The following CAMTA1 variants were observed in gnomAD, a reference collection of about 807,000 sequenced individuals.
CAMTA1 encodes the protein calmodulin-binding transcription activator 1.
A neutral mutation model predicts 170.9 loss-of-function variants in CAMTA1; 27 were observed. The ratio of observed to expected loss-of-function variants is 0.16; its 90% confidence interval spans 0.12 to 0.22. CAMTA1 has a LOEUF of 0.22. CAMTA1 is among the 10% of genes least tolerant of loss of function. The pLI is 1.00. For missense variants in CAMTA1, 1,619 were observed against 2,217.2 expected (o/e 0.73, Z 5.42); for synonymous variants, 833 against 891.5 (o/e 0.93, Z 1.17).
chr1:7,673,902 G>A lies in CAMTA1; in HGVS notation c.2779+2865G>A, dbSNP rs149411843. ...AAACAATAAGACCCAGCTTCTCACC[G>A]GGCCCCTGATCGTAAGGGGCTCTCG... On this transcript the variant is annotated intron_variant, in intron 10 of 22. Transcript: ENST00000303635. This position sits in a 1 kb window ranked among gnomAD's most constrained non-coding sequence, Gnocchi z 4.6. Among the ~76,000 whole-genome samples the A allele has an allele frequency of 3.8e-3, 584 of 152,230 alleles. 3 individuals carry two copies. The highest frequency in any genetic ancestry group is 0.013 in the African/African-American group (556 of 41,514).
intron 4 of CAMTA1, among the ~76,000 whole-genome samples, chr1:7,125,025 G>A (rs9434847): frequency 0.22 from 33,394 of 151,954 alleles, 3,912 homozygotes; most frequent in Non-Finnish European, 0.26. Context: ...AGGGAGCTCC[G>A]AGCCTGGTTT....
At chr1:7,178,340 A>T (rs776444318) in intron 4 of CAMTA1, among the ~76,000 whole-genome samples, 1 of 152,078 alleles carries the variant, frequency 6.6e-6, no homozygotes, top group Non-Finnish European at 1.5e-5. Flanking sequence ...CTCTGCCCTG[A>T]TTTATATTTC....
In CAMTA1 at chr1:7,007,928, C is replaced by A. The variant is rs946638138; in HGVS notation, c.235-83376C>A. Among the ~76,000 whole-genome samples the A allele has an allele frequency of 6.6e-6, 1 of 152,174 alleles. No homozygotes were observed. Among genetic ancestry groups the A allele is most frequent in the African/African-American group, 2.4e-5 (1 of 41,446 alleles). On this transcript the variant is annotated intron_variant, in intron 3 of 22. Transcript: ENST00000303635. This position sits in a 1 kb window ranked among gnomAD's most constrained non-coding sequence, Gnocchi z 4.5. ...GAGACCCGGGAAACAGCGTTCCATA[C>A]AATTGAGTGACAGAGCCCTGCGTGG... is the stretch of plus-strand genomic sequence containing the variant.
At chr1:7,554,385 G>T (rs1443774687) in intron 6 of CAMTA1, among the ~76,000 whole-genome samples, 1 of 152,126 alleles carries the variant, frequency 6.6e-6, no homozygotes, top group Non-Finnish European at 1.5e-5. Flanking sequence ...CCTCGTCTTA[G>T]TTCTAAACCA....
At chr1:7,384,665 G>C (rs2087727576) in intron 5 of CAMTA1, among the ~76,000 whole-genome samples, 1 of 152,114 alleles carries the variant, frequency 6.6e-6, no homozygotes, top group Non-Finnish European at 1.5e-5. Flanking sequence ...AATTTAATTA[G>C]AATAGAGATA....
intron 5 of CAMTA1, among the ~76,000 whole-genome samples, chr1:7,439,275 G>A (rs969703921): frequency 2.6e-5 from 4 of 152,168 alleles, no homozygotes; most frequent in Non-Finnish European, 4.4e-5. Flanking sequence ...CCTAGGTGGG[G>A]GATCTGTGTC....
intron 3 of CAMTA1, among the ~76,000 whole-genome samples, chr1:6,852,012 CAAAA>C (rs71280861): frequency 2.2e-5 from 2 of 90,630 alleles, no homozygotes; most frequent in Admixed American, 1.2e-4. Flanking sequence ...ACTCTATCTC[CAAAA>C]AAAAAAAAAA....
chr1:7,696,494 A>AC (rs2096378274), intron 11 of CAMTA1, among the ~76,000 whole-genome samples: 2 of 84,556 alleles, frequency 2.4e-5, no homozygotes, highest in South Asian at 1.3e-3. Context: ...GTGCCCAGCC[A>AC]GTTTTTTTTT....
chr1:7,233,163 A>G (rs1198574049), intron 4 of CAMTA1, among the ~76,000 whole-genome samples: 1 of 152,204 alleles, frequency 6.6e-6, no homozygotes, highest in East Asian at 1.9e-4. Context: ...CCTTCCTGCT[A>G]GGAGATGACA....
chr1:7,103,906 A>G (rs1395597190), intron 4 of CAMTA1, among the ~76,000 whole-genome samples: 3 of 149,278 alleles, frequency 2.0e-5, no homozygotes, highest in African/African-American at 5.0e-5. Context: ...ACACAACTAC[A>G]CGCGCACTCA....
chr1:7,218,724 T>C (rs543873904), intron 4 of CAMTA1, among the ~76,000 whole-genome samples: 11 of 152,336 alleles, frequency 7.2e-5, no homozygotes, highest in African/African-American at 2.6e-4. Flanking sequence ...CTCTCCATGC[T>C]CGACGTCTGC....
chr1:7,255,422 C>T (rs932556143), intron 5 of CAMTA1, among the ~76,000 whole-genome samples: 4 of 152,258 alleles, frequency 2.6e-5, no homozygotes, highest in Admixed American at 6.5e-5. Context: ...CATACCCTAC[C>T]GTATTCCTCA....
At chr1:7,323,512 T>C (rs1469886353) in intron 5 of CAMTA1, among the ~76,000 whole-genome samples, 11 of 118,184 alleles carry the variant, frequency 9.3e-5, no homozygotes, top group South Asian at 2.4e-4. Flanking sequence ...TTCTTCTTTT[T>C]TTTTTTTTTT....
At chr1:7,512,416 CA>C (rs1179665384) in intron 6 of CAMTA1, among the ~76,000 whole-genome samples, 1 of 152,178 alleles carries the variant, frequency 6.6e-6, no homozygotes, top group Non-Finnish European at 1.5e-5. Context: ...GCAAATTAGT[CA>C]GGTTTGCGGC....
At chr1:7,306,535 G>C (rs1482895542) in intron 5 of CAMTA1, among the ~76,000 whole-genome samples, 3 of 151,714 alleles carry the variant, frequency 2.0e-5, no homozygotes, top group African/African-American at 7.3e-5. Context: ...CATTACTGTA[G>C]GTCTATATAG....
intron 3 of CAMTA1, among the ~76,000 whole-genome samples, chr1:6,888,547 A>G (rs1006536380): frequency 6.6e-6 from 1 of 152,264 alleles, no homozygotes; most frequent in Non-Finnish European, 1.5e-5. Flanking sequence ...GGGAGGCAGG[A>G]AACAGGCAAA....
intron 4 of CAMTA1, among the ~76,000 whole-genome samples, chr1:7,157,839 C>G (rs1043108509): frequency 5.3e-5 from 8 of 152,114 alleles, no homozygotes; most frequent in Non-Finnish European, 1.2e-4. Context: ...TTTTGTACAA[C>G]AGAATGCTGC....
intron 6 of CAMTA1, among the ~76,000 whole-genome samples, chr1:7,613,834 G>A (rs1248073130): frequency 2.0e-5 from 3 of 150,492 alleles, no homozygotes; most frequent in African/African-American, 7.4e-5. Context: ...GAGGAGTCGG[G>A]GGAGCAAGTA....
At chr1:7,338,489 C>CA (rs2083561590) in intron 5 of CAMTA1, among the ~76,000 whole-genome samples, 1 of 152,192 alleles carries the variant, frequency 6.6e-6, no homozygotes, top group Admixed American at 6.5e-5. Flanking sequence ...CTCCTTGTGT[C>CA]AATGCATCAT....
Sources: gnomAD v4.1 joint callset for allele counts (sites outside exome capture counted in the v4.1 genomes callset) on GRCh38, gnomAD v4.1.1 for gene constraint, Gnocchi (gnomAD v3.1) non-coding constraint, MANE v1.5 for transcripts, NCBI Gene and HGNC (gene_info 2026-07-23, HGNC 2026-07-21) for gene names.